Variants in ACTR3 observed in about 807,000 individuals in gnomAD.
ACTR3 encodes the protein actin related protein 3, also known as actin-related protein 3.
In ACTR3, 12 loss-of-function variants were observed where a neutral mutation model predicts 56.8. The observed-to-expected ratio is 0.21, with a 90% CI of 0.14 to 0.34. The LOEUF is 0.34. Among genes scored for constraint, ACTR3 ranks in the 10% least tolerant of loss-of-function variants. The pLI is 1.00. For synonymous variants in ACTR3, 162 were observed against 167.4 expected (o/e 0.97, Z 0.25); for missense variants, 282 against 512.5 (o/e 0.55, Z 4.34).
chr2:113,905,905 A>G (rs1679183190), intron 1 of ACTR3, among the ~76,000 whole-genome samples: 1 of 152,184 alleles, frequency 6.6e-6, no homozygotes, highest in African/African-American at 2.4e-5. Context: ...ATGTTGATGG[A>G]TGCTTGGGTT....
chr2:113,894,237 C>T (rs897231181), intron 1 of ACTR3, among the ~76,000 whole-genome samples: 3 of 151,986 alleles, frequency 2.0e-5, no homozygotes, highest in Admixed American at 6.6e-5. Flanking sequence ...GGATTATAGG[C>T]GCCCACTACC....
At chr2:113,949,033 A>AT (rs1416269341) in intron 8 of ACTR3, among the ~76,000 whole-genome samples, 3 of 73,586 alleles carry the variant, frequency 4.1e-5, no homozygotes, top group African/African-American at 2.1e-4. Flanking sequence ...ATAACATTAA[A>AT]TCTCTTTTCA....
At chr2:113,955,553 T>G in intron 10 of ACTR3, 70 bp from the exon 11 acceptor site, 1 of 1,146,168 alleles carries the variant, frequency 8.7e-7, no homozygotes, top group Middle Eastern at 2.0e-4. Flanking sequence ...TATGTACATT[T>G]AAGGTTAAAT....
At chr2:113,938,578 T>G (rs1559482851) in intron 6 of ACTR3, among the ~76,000 whole-genome samples, 1 of 152,210 alleles carries the variant, frequency 6.6e-6, no homozygotes, top group Non-Finnish European at 1.5e-5. Context: ...GGACTCTACT[T>G]CATGTCTTGT....
rs1375556196 is a variant in ACTR3, at chr2:113,950,305, A to G, written c.859-1174A>G. ...TGTGTTTACTAGCCAGCACTTGAGCAGTATGCTTGGGGGCCATTTTAAATA... is the reference window on the plus strand; with the variant it reads ...TGTGTTTACTAGCCAGCACTTGAGCGGTATGCTTGGGGGCCATTTTAAATA... On this transcript the variant is annotated intron_variant, in intron 8 of 11. Coordinates refer to ENST00000263238, the MANE Select transcript of ACTR3 (RefSeq NM_005721.5). 2.0e-5 allele frequency among the ~76,000 whole-genome samples: 3 copies of G among 152,228 alleles called. No homozygotes were observed. In the East Asian group the frequency reaches 5.8e-4, roughly 29 times the overall value.
At chr2:113,895,807 G>A (rs1223506055) in intron 1 of ACTR3, among the ~76,000 whole-genome samples, 1 of 152,124 alleles carries the variant, frequency 6.6e-6, no homozygotes, top group African/African-American at 2.4e-5. Flanking sequence ...TTCAACCTCT[G>A]CAGGTCTTAT....
chr2:113,915,739 T>TA (rs1574360817), intron 2 of ACTR3, among the ~76,000 whole-genome samples: 2 of 152,222 alleles, frequency 1.3e-5, no homozygotes, highest in African/African-American at 4.8e-5. Flanking sequence ...ATCCATTTTT[T>TA]ATCTTATCTC....
intron 8 of ACTR3, among the ~76,000 whole-genome samples, chr2:113,942,890 A>C (rs1030015590): frequency 1.3e-5 from 2 of 152,230 alleles, no homozygotes; most frequent in Non-Finnish European, 2.9e-5. Context: ...CTGGTAACTT[A>C]GTATCAGAAT....
chr2:113,950,709 C>T lies in ACTR3; in HGVS notation c.859-770C>T, dbSNP rs1365521352. 4 of 152,260 alleles carry T rather than the reference C, an allele frequency of 2.6e-5. No homozygotes were observed. In the East Asian group the frequency reaches 7.7e-4, roughly 29 times the overall value. The allele number at this position is 152,260 out of a possible 1,614,324, so 9.4% of individuals were successfully genotyped here. On this transcript the variant is annotated intron_variant, in intron 8 of 11. Coordinates refer to ENST00000263238, the MANE Select transcript of ACTR3 (RefSeq NM_005721.5). ...AGCATACATGTTTGGGGAGTTTCTT[C>T]AGAGTTTGTTGTAAGAAGTGGAGTT...
chr2:113,895,067 C>T (rs935015070), intron 1 of ACTR3, among the ~76,000 whole-genome samples: 3 of 108,824 alleles, frequency 2.8e-5, no homozygotes, highest in African/African-American at 7.2e-5. Context: ...GTTCCCCCCC[C>T]CCACCCCCCT....
intron 10 of ACTR3, chr2:113,952,145 A>G (rs1048558217): frequency 4.1e-6 from 1 of 242,146 alleles, no homozygotes; most frequent in Non-Finnish European, 8.1e-6. Flanking sequence ...CCAACAATCA[A>G]ATTAATTATG....
At chr2:113,916,109 T>G (rs1365816589) in intron 2 of ACTR3, among the ~76,000 whole-genome samples, 1 of 152,188 alleles carries the variant, frequency 6.6e-6, no homozygotes, top group Non-Finnish European at 1.5e-5. Flanking sequence ...ATTTTTTTCT[T>G]CCAGTTATTT....
chr2:113,908,138 T>C (rs189754319), intron 1 of ACTR3, among the ~76,000 whole-genome samples: 3 of 152,096 alleles, frequency 2.0e-5, no homozygotes, highest in Admixed American at 2.0e-4. Context: ...ATTACAAAAA[T>C]ATTTGAACTT....
chr2:113,918,898 T>C (rs890587383), intron 3 of ACTR3, among the ~76,000 whole-genome samples: 7 of 152,190 alleles, frequency 4.6e-5, no homozygotes, highest in African/African-American at 1.7e-4. Flanking sequence ...GCAAGAGATA[T>C]TAGTGACGGC....
chr2:113,892,331 T>C (rs562085839), intron 1 of ACTR3, among the ~76,000 whole-genome samples: 1 of 152,376 alleles, frequency 6.6e-6, no homozygotes, highest in South Asian at 2.1e-4. Context: ...CAATAGTGTA[T>C]TTTTAAGTTA....
rs3838538 is a variant in ACTR3, at chr2:113,916,238, T to TAC, written c.101-644_101-643dup. On this transcript the variant is annotated intron_variant, in intron 2 of 11. Coordinates refer to ENST00000263238, the MANE Select transcript of ACTR3 (RefSeq NM_005721.5). ...TGAAGAACTGAACTTGATGGATTCG[T>TAC]ACATTTATAACTTAATCTAAAAATA... Among the ~76,000 whole-genome samples, 36 of 151,154 alleles carry TAC rather than the reference T, an allele frequency of 2.4e-4. No individual in the cohort carries two copies. In the East Asian group the frequency reaches 6.9e-3, roughly 29 times the overall value.
intron 1 of ACTR3, among the ~76,000 whole-genome samples, chr2:113,896,652 CTG>C (rs1275618010): frequency 4.6e-5 from 7 of 152,228 alleles, no homozygotes; most frequent in Non-Finnish European, 7.3e-5. Flanking sequence ...AATTTGTTAA[CTG>C]AAGCTAATAA....
chr2:113,940,513 A>G (rs1267070294), intron 7 of ACTR3, among the ~76,000 whole-genome samples: 1 of 152,186 alleles, frequency 6.6e-6, no homozygotes, highest in Admixed American at 6.5e-5. Context: ...GCTATAGTAT[A>G]GAAGCAGTGC....
chr2:113,899,906 G>C (rs764289453), intron 1 of ACTR3, among the ~76,000 whole-genome samples: 2 of 152,204 alleles, frequency 1.3e-5, no homozygotes, highest in South Asian at 2.1e-4. Flanking sequence ...CTGTGGGACA[G>C]CAAGTAGTTT....
Sources: allele counts gnomAD v4.1 joint callset (sites outside exome capture counted in the v4.1 genomes callset), GRCh38; gene constraint gnomAD v4.1.1; transcripts MANE v1.5; gene names NCBI Gene and HGNC (gene_info 2026-07-23, HGNC 2026-07-21).